The following FAM53B variants were observed in gnomAD, a reference collection of about 807,000 sequenced individuals.
FAM53B encodes protein FAM53B.
In FAM53B, 12 loss-of-function variants were observed where a neutral mutation model predicts 32.7. The ratio of observed to expected loss-of-function variants is 0.37; its 90% CI spans 0.24 to 0.59. FAM53B has a LOEUF of 0.59. FAM53B is among the 20% of genes least tolerant of loss of function. The pLI is 0.72. For missense variants in FAM53B, 477 were observed against 577.7 expected (o/e 0.83, Z 1.79); for synonymous variants, 234 against 228.7 (o/e 1.02, Z -0.21).
At chr10:124,734,942 A>G (rs1304587154) in intron 1 of FAM53B, among the ~76,000 whole-genome samples, 1 of 152,172 alleles carries the variant, frequency 6.6e-6, no homozygotes, top group Non-Finnish European at 1.5e-5. Flanking sequence ...GGCTCCTTTC[A>G]AAGCTTCAGC....
chr10:124,741,139 C>T (rs555430980), intron 1 of FAM53B, among the ~76,000 whole-genome samples: 1 of 152,310 alleles, frequency 6.6e-6, no homozygotes, highest in South Asian at 2.1e-4. Context: ...ATCTGGTTTC[C>T]ATCGAAAACC....
intron 2 of FAM53B, among the ~76,000 whole-genome samples, chr10:124,706,377 C>T (rs1477439401): frequency 2.0e-5 from 3 of 152,196 alleles, no homozygotes; most frequent in African/African-American, 7.2e-5. Context: ...ATCACACTTG[C>T]TGTTATTTAC....
chr10:124,672,585 G>C (rs1022833696), intron 4 of FAM53B, among the ~76,000 whole-genome samples: 18 of 152,238 alleles, frequency 1.2e-4, no homozygotes, highest in African/African-American at 4.1e-4. Flanking sequence ...GCTGAGACAA[G>C]ATCCAGCGTG....
chr10:124,667,399 T>C (rs1949679190), intron 4 of FAM53B: 2 of 770,406 alleles, frequency 2.6e-6, no homozygotes, highest in East Asian at 2.4e-5. Context: ...TGGATAACGA[T>C]GTGCCTTCCT....
At chr10:124,663,271 TG>T (rs1333785717) in intron 4 of FAM53B, among the ~76,000 whole-genome samples, 1 of 151,962 alleles carries the variant, frequency 6.6e-6, no homozygotes, top group Non-Finnish European at 1.5e-5. Context: ...TTCCAAGGAG[TG>T]GGGCCTAGGC....
chr10:124,684,339 T>A (rs1295286506), intron 3 of FAM53B, among the ~76,000 whole-genome samples: 1 of 152,240 alleles, frequency 6.6e-6, no homozygotes, highest in Non-Finnish European at 1.5e-5. Context: ...CTCCTCCAAC[T>A]GGATTGGATC....
In FAM53B at chr10:124,639,256, G is replaced by A. The variant is rs541167260; in HGVS notation, c.907-15652C>T. Among the ~76,000 whole-genome samples the A allele has an allele frequency of 7.2e-5, 11 of 152,308 alleles. No homozygotes were observed. The South Asian group carries it at 1.2e-3, about 17-fold the overall frequency. ...CGGGCCAGACCCACCCCAGCAGGAG[G>A]TCAGGATTCTGTGCCAGGTTCAGGC... On this transcript the variant is annotated intron_variant, in intron 4 of 4. Coordinates refer to ENST00000337318, the MANE Select transcript of FAM53B (RefSeq NM_014661.4).
chr10:124,716,892 G>A (rs1486526953), intron 1 of FAM53B, among the ~76,000 whole-genome samples: 1 of 152,052 alleles, frequency 6.6e-6, no homozygotes, highest in African/African-American at 2.4e-5. Flanking sequence ...GGACAATGAG[G>A]GGACCGCAGC....
At chr10:124,649,125 C>T (rs922076831) in intron 4 of FAM53B, among the ~76,000 whole-genome samples, 3 of 152,344 alleles carry the variant, frequency 2.0e-5, no homozygotes, top group African/African-American at 7.2e-5. Context: ...CTCTCTAGGC[C>T]TGTTTCACCA....
At chr10:124,642,337 G>A (rs752382545) in intron 4 of FAM53B, among the ~76,000 whole-genome samples, 11 of 152,212 alleles carry the variant, frequency 7.2e-5, no homozygotes, top group Non-Finnish European at 1.0e-4. Flanking sequence ...CCACAGTGAC[G>A]GGTCTCACTC....
At chr10:124,686,248 C>T (rs1190314076) in intron 3 of FAM53B, among the ~76,000 whole-genome samples, 2 of 152,208 alleles carry the variant, frequency 1.3e-5, no homozygotes, top group African/African-American at 4.8e-5. Context: ...GTCCAGCTTG[C>T]TGGGCCTTGA....
At chr10:124,706,484 C>T in intron 2 of FAM53B, 152 bp downstream of exon 2, 2 of 846,856 alleles carry the variant, frequency 2.4e-6, no homozygotes, top group Non-Finnish European at 3.8e-6. Flanking sequence ...TGCTCCTGTG[C>T]CCTGTTGCCC....
chr10:124,702,784 C>T (rs1162498814), intron 2 of FAM53B, among the ~76,000 whole-genome samples: 1 of 152,168 alleles, frequency 6.6e-6, no homozygotes, highest in African/African-American at 2.4e-5. Context: ...GAAATGTAAC[C>T]CCCAATGCTG....
chr10:124,732,909 C>A (rs1950153371), intron 1 of FAM53B, among the ~76,000 whole-genome samples: 1 of 152,154 alleles, frequency 6.6e-6, no homozygotes, highest in Admixed American at 6.5e-5. Flanking sequence ...TCTCCTGAGC[C>A]CAAGGTGTCT....
At chr10:124,647,987 G>A (rs76611019) in intron 4 of FAM53B, among the ~76,000 whole-genome samples, 7,974 of 152,260 alleles carry the variant, frequency 0.052, 686 homozygotes, top group African/African-American at 0.18. Context: ...GTGTGGGCAC[G>A]GGGAGAGTCA....
chr10:124,685,931 C>T (rs775695457), intron 3 of FAM53B, among the ~76,000 whole-genome samples: 3 of 152,150 alleles, frequency 2.0e-5, no homozygotes, highest in Middle Eastern at 3.2e-3. Context: ...CCACTGTTTC[C>T]GGGAAAGAAG....
intron 4 of FAM53B, among the ~76,000 whole-genome samples, chr10:124,629,370 G>C (rs1336692661): frequency 6.6e-6 from 1 of 152,346 alleles, no homozygotes; most frequent in East Asian, 1.9e-4. Context: ...CCTCATGGCG[G>C]GACCAGCTGC....
At chr10:124,690,124 A>G (rs1335100704) in intron 3 of FAM53B, among the ~76,000 whole-genome samples, 1 of 152,246 alleles carries the variant, frequency 6.6e-6, no homozygotes, top group African/African-American at 2.4e-5. Flanking sequence ...GCGGGGCGCC[A>G]TTAAACCGAC....
chr10:124,665,895 T>C (rs1190568073), intron 4 of FAM53B, among the ~76,000 whole-genome samples: 1 of 152,232 alleles, frequency 6.6e-6, no homozygotes, highest in East Asian at 1.9e-4. Flanking sequence ...CTAGCTCATC[T>C]TACTGTGACT....
Sources: gnomAD v4.1 joint callset for allele counts (sites outside exome capture counted in the v4.1 genomes callset) on GRCh38, gnomAD v4.1.1 for gene constraint, MANE v1.5 for transcripts, NCBI Gene and HGNC (gene_info 2026-07-23, HGNC 2026-07-21) for gene names.